The following LLGL2 variants were observed in gnomAD, a reference collection of about 807,000 sequenced individuals.
LLGL2 encodes LLGL2, scribble cell polarity complex component.
Under a neutral mutation model 123.2 loss-of-function variants are expected in LLGL2, and 81 were observed. The observed-to-expected ratio is 0.66, with a 90% CI of 0.55 to 0.79. The LOEUF (loss-of-function observed/expected upper bound fraction) is 0.79. LLGL2 is among the 30% of genes least tolerant of loss of function. The pLI, the probability that LLGL2 is intolerant of heterozygous loss-of-function variation, is 0.00. For missense variants in LLGL2, 1,273 were observed against 1,414.6 expected (o/e 0.90, Z 1.61); for synonymous variants, 577 against 594.1 (o/e 0.97, Z 0.42).
rs2055038724 is a variant in LLGL2, at chr17:75,558,784, G to A, written c.371+157G>A. Among the ~76,000 whole-genome samples the A allele has an allele frequency of 6.6e-6, 1 of 151,844 alleles. No homozygotes were observed. The highest frequency in any genetic ancestry group is 1.5e-5 in the Non-Finnish European group (1 of 67,972). On this transcript the variant is annotated intron_variant, in intron 5 of 25. Transcript: ENST00000392550. This position sits in a 1 kb window ranked among gnomAD's most constrained non-coding sequence, Gnocchi z 4.0. ...ATCGCCACACTCAGGTGCTCCGAGT[G>A]GAGTGGGCGGGGCTGCAGCCTGCCT...
At position 75,568,615 on chromosome 17, in the gene LLGL2, C is replaced by G; in HGVS notation, c.1176C>G (p.His392Gln). Residue 392 changes from histidine to glutamine, a missense_variant, in exon 11 of 26, where the codon CAC becomes CAG. Physicochemically the swap from His to Gln is conservative, Grantham distance 24. Coordinates refer to ENST00000392550, the MANE Select transcript of LLGL2 (RefSeq NM_001031803.2). The stretch of plus-strand genomic sequence containing the variant: ...GTTCCGCCATCACCTGCTCTCACCA[C>G]GTCTCCAACATCCCGCTGAAGCTGT... ...LHCSAITCSH[H>Q]VSNIPLKLWE... The G allele has an allele frequency of 6.2e-7, 1 of 1,613,990 alleles. No individual in the cohort carries two copies. The highest frequency in any genetic ancestry group is 8.5e-7 in the Non-Finnish European group (1 of 1,180,036).
intron 1 of LLGL2, among the ~76,000 whole-genome samples, chr17:75,530,453 A>T (rs1470591663): frequency 6.6e-6 from 1 of 152,148 alleles, no homozygotes; most frequent in African/African-American, 2.4e-5. Context: ...GATCGAGACC[A>T]TCCTGGCTAG....
intron 1 of LLGL2, among the ~76,000 whole-genome samples, chr17:75,536,073 G>A (rs1266674400): frequency 6.6e-6 from 1 of 152,240 alleles, no homozygotes; most frequent in Admixed American, 6.5e-5. Context: ...AAAGGGAACA[G>A]AGCAGGGCAG....
Position 75,543,930 on chromosome 17 carries a change from T to C in LLGL2, c.75+429T>C, listed in dbSNP as rs190370947. ...GCCCTGGAGTCACAGGCCATGGCTGTTTCTCCCTTCTCAAATTGCCCCTGA... is the reference window on the plus strand; with the variant it reads ...GCCCTGGAGTCACAGGCCATGGCTGCTTCTCCCTTCTCAAATTGCCCCTGA... On this transcript the variant is annotated intron_variant, in intron 2 of 25. Transcript: ENST00000392550. Among the ~76,000 whole-genome samples the C allele has an allele frequency of 2.9e-3, 439 of 152,214 alleles. 5 individuals carry two copies. The highest frequency in any genetic ancestry group is 0.01 in the African/African-American group (429 of 41,518).
At chr17:75,554,409 T>C (rs11653024) in intron 2 of LLGL2, among the ~76,000 whole-genome samples, 70,522 of 150,908 alleles carry the variant, frequency 0.47, 17,593 homozygotes, top group South Asian at 0.61. Context: ...TCTAGAAGGT[T>C]AAGACCAGGC....
rs774412733 is a variant in LLGL2, at chr17:75,570,361, C to T, written c.1888C>T (p.Pro630Ser). 1.2e-5 allele frequency: 20 copies of T among 1,611,972 alleles called. No homozygotes were observed. In the African/African-American group the frequency reaches 1.5e-4, roughly 12 times the overall value. The change falls in exon 16 of 26, where the codon CCC (proline) becomes TCC (serine). Residue 630 changes from proline (P) to serine (S), a missense_variant. By Grantham distance (74) the Pro-to-Ser change is moderately conservative. Transcript: ENST00000392550. Reference sequence around the variant, plus strand: ...CATCCCCCCAAGGTGCACACTGCACCCCAGTGACCAGCTGGCCTTGGAGGG... The same window carrying T: ...CATCCCCCCAAGGTGCACACTGCACTCCAGTGACCAGCTGGCCTTGGAGGG... ...RQVFVKCTLH[P>S]SDQLALEGPL...
rs187418397 is a variant in LLGL2 at position 75,560,568 on chromosome 17, C to T, written c.530+1158C>T. Among the ~76,000 whole-genome samples the T allele has an allele frequency of 7.4e-4, 112 of 152,182 alleles. 1 individual carries two copies. The highest frequency in any genetic ancestry group is 2.7e-3 in the African/African-American group (111 of 41,558). Reference sequence around the variant, plus strand: ...ATGGCACGATCTTGGCTCACTGCAACCTCTGCTTCCTGGGTTCAAGCTATT... The same window carrying T: ...ATGGCACGATCTTGGCTCACTGCAATCTCTGCTTCCTGGGTTCAAGCTATT... On this transcript the variant is annotated intron_variant, in intron 6 of 25. Coordinates refer to ENST00000392550, the MANE Select transcript of LLGL2 (RefSeq NM_001031803.2).
At chr17:75,548,995 T>C (rs962892123) in intron 2 of LLGL2, among the ~76,000 whole-genome samples, 3 of 152,068 alleles carry the variant, frequency 2.0e-5, no homozygotes, top group African/African-American at 7.2e-5. Flanking sequence ...GGGAGGAGAC[T>C]AAGGCCCCCA....
intron 14 of LLGL2, 43 bp downstream of exon 14, chr17:75,569,368 C>T (rs80037708): frequency 0.08 from 120,823 of 1,507,188 alleles, 5,147 homozygotes; most frequent in Middle Eastern, 0.17. Flanking sequence ...GAGGAGTGGT[C>T]GATGACTGGG....
intron 3 of LLGL2, chr17:75,557,923 C>A: frequency 1.7e-6 from 1 of 591,682 alleles, no homozygotes; most frequent in South Asian, 1.7e-5. Flanking sequence ...TTGCTCCCAC[C>A]GGCCTGACTG....
intron 1 of LLGL2, among the ~76,000 whole-genome samples, chr17:75,535,263 C>G (rs1265441714): frequency 1.3e-5 from 2 of 152,268 alleles, no homozygotes; most frequent in Non-Finnish European, 2.9e-5. Context: ...AGGCCTCACA[C>G]AGGATGTCGC....
intron 1 of LLGL2, among the ~76,000 whole-genome samples, chr17:75,529,997 T>TC (rs2053718726): frequency 6.6e-6 from 1 of 152,208 alleles, no homozygotes; most frequent in Admixed American, 6.5e-5. Context: ...AGCTTTGTTT[T>TC]CACAGATGAG....
At chr17:75,573,858 G>C (rs1052347004) in intron 21 of LLGL2, 94 bp from the exon 22 acceptor site, 10 of 1,439,674 alleles carry the variant, frequency 6.9e-6, no homozygotes, top group Non-Finnish European at 6.7e-6. Context: ...CTCAGGACAG[G>C]CTGCGCCATT....
At chr17:75,548,210 T>A (rs950371995) in intron 2 of LLGL2, among the ~76,000 whole-genome samples, 1 of 152,136 alleles carries the variant, frequency 6.6e-6, no homozygotes, top group African/African-American at 2.4e-5. Flanking sequence ...ATATTCCGCC[T>A]GTACTTGACT....
rs780147308 is a variant in LLGL2 at position 75,573,076 on chromosome 17, A to G, written c.2523A>G (p.Ser841=). The stretch of plus-strand genomic sequence containing the variant: ...TGAAGCTGACGGCCCTGGAGGGCTC[A>G]AGAGTGCGGCGGGTCAGCGTGGCCC... ...LKLKLTALEG[S]RVRRVSVAHF... The change falls in exon 20 of 26, where the codon TCA becomes TCG. Residue 841 remains serine, a synonymous_variant. Coordinates refer to ENST00000392550, the MANE Select transcript of LLGL2 (RefSeq NM_001031803.2). 3.7e-6 allele frequency: 6 copies of G among 1,613,084 alleles called. No individual in the cohort carries two copies. In the South Asian group the frequency reaches 6.6e-5, roughly 18 times the overall value.
Position 75,558,402 on chromosome 17 carries a change from C to G in LLGL2, c.256-110C>G, listed in dbSNP as rs1192612142. ...TCCACAGCTGGGGCTCATGGGCCAC[C>G]CTGGGAGTGGCCAGGGGGTCTTTTA... On this transcript the variant is annotated intron_variant, in intron 4 of 25. Transcript: ENST00000392550. This position sits in a 1 kb window ranked among gnomAD's most constrained non-coding sequence, Gnocchi z 4.0. The G allele has an allele frequency of 1.8e-5, 21 of 1,159,828 alleles. No individual in the cohort carries two copies. Among genetic ancestry groups the G allele is most frequent in the Non-Finnish European group, 2.4e-5 (20 of 821,080 alleles). The allele number at this position is 1,159,828 out of a possible 1,614,324, so 71.8% of individuals were successfully genotyped here. A position where few individuals can be genotyped will look rare whatever the true frequency, so the allele number is the denominator to read the frequency against.
chr17:75,559,402 G>A lies in LLGL2; in HGVS notation c.522G>A (p.Val174=), dbSNP rs765167029. 6.2e-7 allele frequency: 1 copy of A among 1,607,326 alleles called. No homozygotes were observed. Among genetic ancestry groups the A allele is most frequent in the South Asian group, 1.1e-5 (1 of 90,316 alleles). Residue 174 remains valine (V), a synonymous_variant, in exon 6 of 26, where the codon GTG becomes GTA. Transcript: ENST00000392550. The surrounding 1 kb of genome is among the most constrained non-coding windows in gnomAD (Gnocchi z 4.6). ...LEDRTISSDA[V]LQRLPEEARH... ...ACCGGACCATCAGCTCGGACGCGGT[G>A]CTGCAGCGGTGAGCCCAGAGCCCAG...
In LLGL2 at chr17:75,573,175, G is replaced by T. The variant is rs760625625; in HGVS notation, c.2622G>T (p.Gln874His). ...LAVLTNLGDI[Q>H]VVSLPLLKPQ... The stretch of plus-strand genomic sequence containing the variant: ...TCCTTACCAACCTGGGCGACATCCA[G>T]GTGGTCTCGCTGCCCCTGCTCAAGC... The change falls in exon 20 of 26, where the codon CAG (glutamine) becomes CAT (histidine). Residue 874 changes from glutamine to histidine, a missense_variant. Coordinates refer to ENST00000392550, the MANE Select transcript of LLGL2 (RefSeq NM_001031803.2). The T allele has an allele frequency of 3.1e-6, 5 of 1,613,078 alleles. No individual in the cohort carries two copies. Among genetic ancestry groups the T allele is most frequent in the Non-Finnish European group, 4.2e-6 (5 of 1,179,942 alleles).
chr17:75,550,374 A>G (rs2054610450), intron 2 of LLGL2, among the ~76,000 whole-genome samples: 1 of 134,574 alleles, frequency 7.4e-6, no homozygotes, highest in Admixed American at 8.5e-5. Context: ...ACCCTAAACA[A>G]GGGGGGAGTC....
Sources: gnomAD v4.1 joint callset for allele counts (sites outside exome capture counted in the v4.1 genomes callset) on GRCh38, gnomAD v4.1.1 for gene constraint, Gnocchi (gnomAD v3.1) non-coding constraint, MANE v1.5 for transcripts, NCBI Gene and HGNC (gene_info 2026-07-23, HGNC 2026-07-21) for gene names.